Variants in CTNNA2 observed in about 807,000 individuals in gnomAD.
The protein encoded by CTNNA2 is catenin alpha 2.
In CTNNA2, 42 loss-of-function variants were observed where a neutral mutation model predicts 101.0. The ratio of observed to expected loss-of-function variants is 0.42; its 90% CI spans 0.32 to 0.54. The LOEUF (loss-of-function observed/expected upper bound fraction) is 0.54, where lower values mean the gene tolerates loss of function less well. Ranked by LOEUF, CTNNA2 falls within the 20% of genes least tolerant of loss-of-function variation. The pLI is 0.14. For synonymous variants in CTNNA2, 450 were observed against 456.4 expected (o/e 0.99, Z 0.18); for missense variants, 871 against 1,223.1 (o/e 0.71, Z 4.29).
At chr2:79,246,433 A>G (rs1013944705) in intron 2 of CTNNA2, among the ~76,000 whole-genome samples, 4 of 152,146 alleles carry the variant, frequency 2.6e-5, no homozygotes, top group Non-Finnish European at 5.9e-5. Context: ...TTTTCTGTAT[A>G]TGATAGGTTT....
In CTNNA2 at chr2:79,327,940, G is replaced by A. The variant is rs116436748; in HGVS notation, c.-318+15144G>A. ...GCAAAGGTAGGGTGTGGAGGAATGA[G>A]TCTATGTCACAAAGATGCCCTGGGC... On this transcript the variant is annotated intron_variant, in intron 3 of 21. Coordinates refer to the CTNNA2 transcript ENST00000466387. Among the ~76,000 whole-genome samples the A allele has an allele frequency of 5.9e-3, 903 of 152,136 alleles. 7 individuals carry two copies. The highest frequency in any genetic ancestry group is 0.021 in the African/African-American group (856 of 41,486).
chr2:80,034,024 ATGAACT>A (rs1338763531), intron 7 of CTNNA2, among the ~76,000 whole-genome samples: 2 of 149,348 alleles, frequency 1.3e-5, no homozygotes, highest in Non-Finnish European at 3.0e-5. Context: ...AAATTCCTTT[ATGAACT>A]TGAAGTAGAG....
chr2:79,397,020 G>C (rs898145899), intron 4 of CTNNA2, among the ~76,000 whole-genome samples: 1 of 151,990 alleles, frequency 6.6e-6, no homozygotes, highest in African/African-American at 2.4e-5. Context: ...TGGTAGGCTG[G>C]GTGAGGCTTT....
intron 7 of CTNNA2, among the ~76,000 whole-genome samples, chr2:80,337,882 T>C (rs1671891666): frequency 1.3e-5 from 2 of 152,114 alleles, no homozygotes; most frequent in African/African-American, 4.8e-5. Context: ...AGTGGGCTGG[T>C]CCAGAGGATA....
At chr2:79,924,753 AGC>A (rs1686911046) in intron 7 of CTNNA2, among the ~76,000 whole-genome samples, 1 of 152,086 alleles carries the variant, frequency 6.6e-6, no homozygotes, top group Non-Finnish European at 1.5e-5. Flanking sequence ...GTTGGAATAA[AGC>A]TTAGTTGGAG....
chr2:80,137,632 G>T (rs568876341), intron 7 of CTNNA2, among the ~76,000 whole-genome samples: 1 of 152,068 alleles, frequency 6.6e-6, no homozygotes, highest in Non-Finnish European at 1.5e-5. Flanking sequence ...TCAGGCAATG[G>T]GATAGAATAA....
intron 7 of CTNNA2, among the ~76,000 whole-genome samples, chr2:80,024,507 A>G (rs1694809467): frequency 6.6e-6 from 1 of 152,244 alleles, no homozygotes; most frequent in Non-Finnish European, 1.5e-5. Context: ...ACCCATCTGC[A>G]GGATTCCTGA....
intron 4 of CTNNA2, among the ~76,000 whole-genome samples, chr2:79,412,742 AG>A (rs1408195580): frequency 6.6e-6 from 1 of 152,136 alleles, no homozygotes; most frequent in African/African-American, 2.4e-5. Flanking sequence ...ACACATTCAA[AG>A]CAGTGTGTAG....
At chr2:80,581,184 T>G (rs1261659258) in intron 13 of CTNNA2, among the ~76,000 whole-genome samples, 2 of 152,148 alleles carry the variant, frequency 1.3e-5, no homozygotes, top group African/African-American at 4.8e-5. Flanking sequence ...GGTAAGATAG[T>G]TTATTTATGA....
In CTNNA2 at chr2:79,507,655, T is replaced by G. The variant is rs1671442850; in HGVS notation, c.-6+2473T>G. Among the ~76,000 whole-genome samples, 3 of 152,270 alleles carry G rather than the reference T, an allele frequency of 2.0e-5. No individual in the cohort carries two copies. The East Asian group carries it at 5.8e-4, about 29-fold the overall frequency. On this transcript the variant is annotated intron_variant, in intron 5 of 21. Coordinates refer to the CTNNA2 transcript ENST00000466387. ...GACTAAGAAGAGGATCAGACATTTTTTAAATCAAGGAAGAACAGAAATAAG... is the reference window on the plus strand; with the variant it reads ...GACTAAGAAGAGGATCAGACATTTTGTAAATCAAGGAAGAACAGAAATAAG...
At chr2:80,086,587 C>T (rs1699450631) in intron 7 of CTNNA2, among the ~76,000 whole-genome samples, 1 of 151,992 alleles carries the variant, frequency 6.6e-6, no homozygotes, top group Admixed American at 6.6e-5. Context: ...TGGGCCTAGG[C>T]TTTATCATTT....
chr2:80,141,560 G>T (rs1307921835), intron 7 of CTNNA2, among the ~76,000 whole-genome samples: 1 of 152,072 alleles, frequency 6.6e-6, no homozygotes, highest in Non-Finnish European at 1.5e-5. Flanking sequence ...GAAAGAGCAA[G>T]CCCAAGTGAG....
In CTNNA2 at chr2:79,909,638, C is replaced by T; in HGVS notation, c.897C>T (p.Phe299=). 6.2e-7 allele frequency: 1 copy of T among 1,613,264 alleles called. No individual in the cohort carries two copies. The highest frequency in any genetic ancestry group is 8.5e-7 in the Non-Finnish European group (1 of 1,179,346). ...LDPMTFSEAR[F]RPSLEERLES... is the part of the protein sequence containing the mutation. Reference sequence around the variant, plus strand: ...CCATGACGTTCAGCGAGGCCAGGTTCCGGCCGTCCCTGGAGGAGAGGCTGG... The same window carrying T: ...CCATGACGTTCAGCGAGGCCAGGTTTCGGCCGTCCCTGGAGGAGAGGCTGG... Residue 299 remains phenylalanine (F), a synonymous_variant, in exon 7 of 19, where the codon TTC becomes TTT. Transcript: ENST00000402739.
intron 8 of CTNNA2, among the ~76,000 whole-genome samples, chr2:80,411,857 G>A (rs1008355554): frequency 1.3e-5 from 2 of 152,144 alleles, no homozygotes; most frequent in Admixed American, 6.6e-5. Flanking sequence ...ATTTTTTGGA[G>A]CAGTATCTGG....
chr2:80,403,673 C>T (rs1400219543), intron 8 of CTNNA2, among the ~76,000 whole-genome samples: 1 of 152,136 alleles, frequency 6.6e-6, no homozygotes, highest in Non-Finnish European at 1.5e-5. Flanking sequence ...AGAAACTGTG[C>T]CCAGAACAGG....
chr2:79,637,170 A>G (rs763027282), intron 1 of CTNNA2, among the ~76,000 whole-genome samples: 1 of 152,138 alleles, frequency 6.6e-6, no homozygotes, highest in Non-Finnish European at 1.5e-5. Context: ...GAGGAGTAGG[A>G]TGGTGAAGGA....
intron 7 of CTNNA2, among the ~76,000 whole-genome samples, chr2:79,982,377 CA>C (rs1691420698): frequency 6.8e-5 from 5 of 73,090 alleles, no homozygotes; most frequent in East Asian, 7.4e-4. Flanking sequence ...ATATATATAA[CA>C]TATATAACAT....
At chr2:79,635,259 G>A (rs1451484144) in intron 1 of CTNNA2, among the ~76,000 whole-genome samples, 2 of 151,808 alleles carry the variant, frequency 1.3e-5, no homozygotes, top group Non-Finnish European at 2.9e-5. Flanking sequence ...GTGAAACCCC[G>A]TCTCTACTAA....
At chr2:79,899,009 A>G (rs543143315) in intron 6 of CTNNA2, among the ~76,000 whole-genome samples, 3 of 152,174 alleles carry the variant, frequency 2.0e-5, no homozygotes, top group Non-Finnish European at 4.4e-5. Context: ...AGGAGTATGA[A>G]TAGAACCACA....
Sources: gnomAD v4.1 joint callset for allele counts (sites outside exome capture counted in the v4.1 genomes callset) on GRCh38, gnomAD v4.1.1 for gene constraint, MANE v1.5 for transcripts, NCBI Gene and HGNC (gene_info 2026-07-23, HGNC 2026-07-21) for gene names.